GLYATL2: variants seen among roughly 807,000 people sequenced by gnomAD.
GLYATL2 encodes the protein glycine N-acyltransferase-like protein 2.
A neutral mutation model predicts 21.4 loss-of-function variants in GLYATL2; 25 were observed. The observed-to-expected ratio is 1.17, with a 90% CI of 0.85 to 1.63. The LOEUF (loss-of-function observed/expected upper bound fraction) is 1.63. Among genes scored for constraint, GLYATL2 ranks in the 40% most tolerant of loss-of-function variants. The pLI is 0.00. For synonymous variants in GLYATL2, 114 were observed against 118.2 expected (o/e 0.96, Z 0.23); for missense variants, 361 against 343.3 (o/e 1.05, Z -0.41).
At position 58,864,326 on chromosome 11, in the gene GLYATL2, GAC is replaced by G. The variant is rs1853986562; in HGVS notation, n.61-25960_61-25959del. Among the ~76,000 whole-genome samples, 2 of 127,404 alleles carry G rather than the reference GAC, an allele frequency of 1.6e-5. 1 individual carries two copies. The highest frequency in any genetic ancestry group is 3.5e-5 in the Non-Finnish European group (2 of 56,706). The allele number at this position is 127,404 out of a possible 152,430, so 83.6% of individuals were successfully genotyped here. A position where few individuals can be genotyped will look rare whatever the true frequency, so the allele number is the denominator to read the frequency against. The stretch of plus-strand genomic sequence containing the variant: ...CCACTAGGGCTGGCCTGGTCCCAGG[GAC>G]CATCTGACACCTATGGCACTGGGGT... On this transcript the variant is annotated intron_variant and non_coding_transcript_variant, in intron 1 of 4. Coordinates refer to the GLYATL2 transcript ENST00000533636.
At chr11:58,898,678 A>G (rs1025235933) in intron 1 of GLYATL2, among the ~76,000 whole-genome samples, 1 of 151,892 alleles carries the variant, frequency 6.6e-6, no homozygotes, top group African/African-American at 2.4e-5. Context: ...TACTAAAAAT[A>G]CAAAAAATTA....
At chr11:58,881,329 T>C (rs1043973197) in intron 1 of GLYATL2, among the ~76,000 whole-genome samples, 4 of 152,218 alleles carry the variant, frequency 2.6e-5, no homozygotes, top group Non-Finnish European at 4.4e-5. Flanking sequence ...AGCCTAAGCT[T>C]TGAAACTATC....
At chr11:58,879,990 C>A (rs1387110086) in intron 1 of GLYATL2, among the ~76,000 whole-genome samples, 1 of 151,880 alleles carries the variant, frequency 6.6e-6, no homozygotes, top group Non-Finnish European at 1.5e-5. Flanking sequence ...TCCCAAGTAG[C>A]CGGGAGTGCA....
At chr11:58,875,430 G>A (rs1395923115) in intron 1 of GLYATL2, among the ~76,000 whole-genome samples, 1 of 152,176 alleles carries the variant, frequency 6.6e-6, no homozygotes, top group East Asian at 1.9e-4. Context: ...GCTGGTACTG[G>A]TTGTTCCTTT....
In GLYATL2 at chr11:58,837,410, A is replaced by G. The variant is rs769648450; in HGVS notation, c.187-13T>C. Reference sequence around the variant, plus strand: ...CATCTTTCATCTCCTGATATAACAAATATCAATTATATTTACATAGCGCTA... The same window carrying G: ...CATCTTTCATCTCCTGATATAACAAGTATCAATTATATTTACATAGCGCTA... On this transcript the variant is annotated splice_polypyrimidine_tract_variant and intron_variant, in intron 3 of 5. Transcript: ENST00000287275. 1 of 1,608,220 alleles carries G rather than the reference A, an allele frequency of 6.2e-7. No homozygotes were observed. Among genetic ancestry groups the G allele is most frequent in the South Asian group, 1.1e-5 (1 of 90,838 alleles).
intron 1 of GLYATL2, 30 bp from the exon 2 acceptor site, chr11:58,839,682 C>T: frequency 1.8e-6 from 2 of 1,094,876 alleles, no homozygotes; most frequent in Admixed American, 3.8e-5. Flanking sequence ...AACAAAAATA[C>T]CTAGAGAGAT....
intron 1 of GLYATL2, among the ~76,000 whole-genome samples, chr11:58,861,031 A>G (rs2134594539): frequency 6.6e-6 from 1 of 152,196 alleles, no homozygotes; most frequent in South Asian, 2.1e-4. Flanking sequence ...ACCTATGTTC[A>G]TCAGTGCTAT....
chr11:58,846,070 G>A (rs1853637113), upstream of GLYATL2, among the ~76,000 whole-genome samples: 1 of 152,128 alleles, frequency 6.6e-6, no homozygotes, highest in Non-Finnish European at 1.5e-5. Context: ...AAAGTTTATA[G>A]AGTTATACAG....
At position 58,850,330 on chromosome 11, in the gene GLYATL2, C is replaced by T. The variant is rs186195707; in HGVS notation, n.61-11962G>A. On this transcript the variant is annotated intron_variant and non_coding_transcript_variant, in intron 1 of 4. Coordinates refer to the GLYATL2 transcript ENST00000533636. The stretch of plus-strand genomic sequence containing the variant: ...ATCTTATCAAATGCTTTTTTGTGGG[C>T]GGTAAGCCACCTGAGGCAAGAGACC... Among the ~76,000 whole-genome samples the T allele has an allele frequency of 1.8e-3, 280 of 151,944 alleles. 2 individuals are homozygous for T. The highest frequency in any genetic ancestry group is 6.2e-3 in the African/African-American group (257 of 41,436).
chr11:58,873,083 G>A (rs560381094), intron 1 of GLYATL2, among the ~76,000 whole-genome samples: 7 of 151,194 alleles, frequency 4.6e-5, no homozygotes, highest in East Asian at 1.9e-4. Context: ...TTGGCTCTCC[G>A]TTTGTCTGTT....
chr11:58,834,378 AT>A lies in GLYATL2; in HGVS notation c.*50del. ...TGTAGATCACAATGCTTGTGTTTGA[AT>A]TAATGTTTTTTTACTGATAAGAAAG... On this transcript the variant is annotated 3_prime_UTR_variant, in exon 6 of 6. Coordinates refer to ENST00000287275, the MANE Select transcript of GLYATL2 (RefSeq NM_145016.4). 7.0e-7 allele frequency: 1 copy of A among 1,432,688 alleles called. No homozygotes were observed. Among genetic ancestry groups the A allele is most frequent in the South Asian group, 1.4e-5 (1 of 73,166 alleles). 88.7% of individuals were successfully genotyped at this position (1,432,688 alleles called of 1,614,324 possible). A position where few individuals can be genotyped will look rare whatever the true frequency, so the allele number is the denominator to read the frequency against.
At chr11:58,838,728 A>G (rs1007056326) in intron 2 of GLYATL2, among the ~76,000 whole-genome samples, 26 of 152,134 alleles carry the variant, frequency 1.7e-4, no homozygotes, top group Admixed American at 1.7e-3. Context: ...TGAAAAACTC[A>G]AAGGTGAATA....
At chr11:58,860,563 A>T (rs1853913208) in intron 1 of GLYATL2, among the ~76,000 whole-genome samples, 1 of 152,080 alleles carries the variant, frequency 6.6e-6, no homozygotes, top group Admixed American at 6.5e-5. Flanking sequence ...ATATTTAGCT[A>T]CTTCCTTTCC....
intron 1 of GLYATL2, among the ~76,000 whole-genome samples, chr11:58,870,419 G>T (rs1158559345): frequency 6.6e-6 from 1 of 152,140 alleles, no homozygotes; most frequent in African/African-American, 2.4e-5. Flanking sequence ...GCTCTTATAA[G>T]GCTTTTATAT....
chr11:58,858,776 C>G (rs1853878446), intron 1 of GLYATL2, among the ~76,000 whole-genome samples: 1 of 152,152 alleles, frequency 6.6e-6, no homozygotes, highest in South Asian at 2.1e-4. Context: ...GTCCCTGATT[C>G]CTCAGGAATA....
rs369701367 is a variant in GLYATL2, at chr11:58,856,786, C to T, written n.61-18418G>A. ...AACAGCTAAAATAGCACCATCAAAA[C>T]TCACTGATCACAGATCACCTTAACA... On this transcript the variant is annotated intron_variant and non_coding_transcript_variant, in intron 1 of 4. Transcript: ENST00000533636. Among the ~76,000 whole-genome samples the T allele has an allele frequency of 1.4e-4, 22 of 152,166 alleles. No homozygotes were observed. In the East Asian group the frequency reaches 3.3e-3, roughly 23 times the overall value.
At chr11:58,852,486 G>A (rs1047252799) in intron 1 of GLYATL2, among the ~76,000 whole-genome samples, 4 of 152,160 alleles carry the variant, frequency 2.6e-5, no homozygotes, top group African/African-American at 9.7e-5. Flanking sequence ...AAACTTCTTA[G>A]TATATTGTTT....
intron 1 of GLYATL2, among the ~76,000 whole-genome samples, chr11:58,895,997 C>T (rs181759520): frequency 0.011 from 1,666 of 152,142 alleles, 7 homozygotes; most frequent in Non-Finnish European, 0.018. Flanking sequence ...GGATTACAGG[C>T]GCCCACCACC....
At chr11:58,892,579 A>G in intron 1 of GLYATL2, 2 of 248,652 alleles carry the variant, frequency 8.0e-6, no homozygotes, top group Non-Finnish European at 8.7e-6. Context: ...AGAATTATTA[A>G]GCATTGATGA....
Sources: allele counts gnomAD v4.1 joint callset (sites outside exome capture counted in the v4.1 genomes callset), GRCh38; gene constraint gnomAD v4.1.1; transcripts MANE v1.5; gene names NCBI Gene and HGNC (gene_info 2026-07-23, HGNC 2026-07-21).